The following FAM120B variants were observed in gnomAD, a reference collection of about 807,000 sequenced individuals.
FAM120B encodes constitutive coactivator of peroxisome proliferator-activated receptor gamma.
A neutral mutation model predicts 96.3 loss-of-function variants in FAM120B; 83 were observed. The ratio of observed to expected loss-of-function variants is 0.86; its 90% confidence interval spans 0.72 to 1.03. The LOEUF is 1.03. FAM120B is among the 50% of genes least tolerant of loss of function. The pLI, the probability that FAM120B is intolerant of heterozygous loss-of-function variation, is 0.00. For missense variants in FAM120B, 1,027 were observed against 1,121.2 expected, an observed-to-expected ratio of 0.92 and a Z score of 1.20; for synonymous variants, 407 against 402.7, an observed-to-expected ratio of 1.01 and a Z score of -0.13.
At chr6:170,364,745 C>G (rs2115219714) in intron 6 of FAM120B, among the ~76,000 whole-genome samples, 1 of 152,264 alleles carries the variant, frequency 6.6e-6, no homozygotes, top group South Asian at 2.1e-4. Context: ...CCTTCAGAGG[C>G]TGGTGCTGCT....
intron 5 of FAM120B, among the ~76,000 whole-genome samples, chr6:170,351,779 C>T (rs1273604170): frequency 6.6e-6 from 1 of 152,200 alleles, no homozygotes; most frequent in Non-Finnish European, 1.5e-5. Context: ...TGCAAGAGCT[C>T]TTGAAGGAAG....
intron 3 of FAM120B, 117 bp from the exon 4 acceptor site, chr6:170,330,332 C>T (rs1204999791): frequency 2.1e-5 from 14 of 673,382 alleles, no homozygotes; most frequent in Non-Finnish European, 3.4e-5. Context: ...TACTCAGTCA[C>T]CTTGGATTTG....
upstream of FAM120B, among the ~76,000 whole-genome samples, chr6:170,293,858 G>A (rs1288892132): frequency 6.6e-6 from 1 of 150,960 alleles, no homozygotes; most frequent in East Asian, 2.0e-4. Flanking sequence ...TTCTATAGGA[G>A]CCTGTTGTAG....
intron 4 of FAM120B, among the ~76,000 whole-genome samples, chr6:170,333,633 A>G (rs1279419109): frequency 6.6e-6 from 1 of 151,356 alleles, no homozygotes; most frequent in Non-Finnish European, 1.5e-5. Flanking sequence ...CTACAGGCAC[A>G]TGCCACCACA....
chr6:170,338,453 A>G (rs949865694), intron 4 of FAM120B, among the ~76,000 whole-genome samples: 2 of 152,174 alleles, frequency 1.3e-5, no homozygotes, highest in African/African-American at 2.4e-5. Context: ...ACTTCCATTT[A>G]TGTGGTTGAT....
chr6:170,349,383 A>G (rs1787428719), intron 5 of FAM120B, among the ~76,000 whole-genome samples: 1 of 152,238 alleles, frequency 6.6e-6, no homozygotes, highest in African/African-American at 2.4e-5. Flanking sequence ...TTTACTTTAC[A>G]AATTATTGAT....
intron 4 of FAM120B, among the ~76,000 whole-genome samples, chr6:170,346,444 G>A (rs976989981): frequency 1.2e-4 from 18 of 152,062 alleles, no homozygotes; most frequent in Non-Finnish European, 2.4e-4. Flanking sequence ...TTTCAAAATC[G>A]TTAGTATATT....
chr6:170,294,998 C>T (rs1019968067), upstream of FAM120B, among the ~76,000 whole-genome samples: 55 of 152,166 alleles, frequency 3.6e-4, no homozygotes, highest in Admixed American at 2.9e-3. The surrounding 1 kb of genome is among the most constrained non-coding windows in gnomAD (Gnocchi z 7.9). Flanking sequence ...AAGAAGGGGA[C>T]GTAGACCATG....
At chr6:170,340,827 G>A (rs150741052) in intron 4 of FAM120B, among the ~76,000 whole-genome samples, 1 of 152,222 alleles carries the variant, frequency 6.6e-6, no homozygotes, top group Non-Finnish European at 1.5e-5. Flanking sequence ...CTGCAGAACA[G>A]CAAATATTGC....
chr6:170,367,820 G>C (rs1476126957), intron 6 of FAM120B, among the ~76,000 whole-genome samples: 1 of 152,170 alleles, frequency 6.6e-6, no homozygotes, highest in Admixed American at 6.5e-5. Flanking sequence ...CCTTATAAAG[G>C]AGCTGAAGTG....
chr6:170,323,367 A>G, intron 3 of FAM120B, 108 bp downstream of exon 3: 1 of 898,908 alleles, frequency 1.1e-6, no homozygotes, highest in Non-Finnish European at 1.7e-6. Flanking sequence ...AGACAATTAA[A>G]TGGGTTTTAT....
At chr6:170,349,665 T>G (rs529884105) in intron 5 of FAM120B, among the ~76,000 whole-genome samples, 3 of 152,184 alleles carry the variant, frequency 2.0e-5, no homozygotes, top group Admixed American at 6.5e-5. Context: ...TATAAATTAA[T>G]GTAGGATGGC....
intron 4 of FAM120B, among the ~76,000 whole-genome samples, chr6:170,335,514 C>T (rs1786357772): frequency 6.6e-6 from 1 of 152,138 alleles, no homozygotes; most frequent in South Asian, 2.1e-4. Flanking sequence ...CTGCAGTAAA[C>T]ATACGTGTGC....
intron 5 of FAM120B, among the ~76,000 whole-genome samples, chr6:170,350,993 C>T (rs907115921): frequency 5.9e-5 from 9 of 152,100 alleles, no homozygotes; most frequent in South Asian, 2.1e-4. Context: ...ATGAACTTCG[C>T]GGAGCTAAAG....
rs1382386328 is a variant in FAM120B at position 170,372,548 on chromosome 6, G to T, written c.2283+14230G>T. On this transcript the variant is annotated intron_variant, in intron 6 of 10. Coordinates refer to ENST00000476287, the MANE Select transcript of FAM120B (RefSeq NM_032448.3). ...TATGAACTGACAGTTGTAACTCAGA[G>T]CCATGCTGTTTCCTTAGGTAAATAC... is the stretch of plus-strand genomic sequence containing the variant. Among the ~76,000 whole-genome samples the T allele has an allele frequency of 3.3e-5, 5 of 152,198 alleles. No homozygotes were observed. The East Asian group carries it at 9.6e-4, about 29-fold the overall frequency.
rs761664889 is a variant in FAM120B, at chr6:170,318,061, T to C, written c.671T>C (p.Leu224Pro). ...GGCCTCTGTGTGGCCGACCTTCCTCTTCTGGCCTGCCTCCTTGGCAACGAC... is the reference window on the plus strand; with the variant it reads ...GGCCTCTGTGTGGCCGACCTTCCTCCTCTGGCCTGCCTCCTTGGCAACGAC... ...SLGLCVADLP[L>P]LACLLGNDII... The change falls in exon 2 of 11, where the codon CTT becomes CCT. Residue 224 changes from leucine to proline, a missense_variant. Leu to Pro is a moderately conservative substitution (Grantham distance 98). Transcript: ENST00000476287. The C allele has an allele frequency of 1.3e-5, 21 of 1,614,094 alleles. No individual in the cohort carries two copies. Among genetic ancestry groups the C allele is most frequent in the Admixed American group, 6.7e-5 (4 of 60,008 alleles).
intron 2 of FAM120B, among the ~76,000 whole-genome samples, chr6:170,320,090 T>A (rs180732716): frequency 7.4e-4 from 113 of 152,338 alleles, no homozygotes; most frequent in African/African-American, 2.6e-3. Context: ...TGTGTCCACA[T>A]GAATGTCTCA....
intron 6 of FAM120B, among the ~76,000 whole-genome samples, chr6:170,369,768 G>C (rs1015748461): frequency 6.6e-6 from 1 of 150,734 alleles, no homozygotes; most frequent in African/African-American, 2.4e-5. Context: ...AATCTTAAGA[G>C]AAGTATGTCT....
rs79287470 is a variant in FAM120B, at chr6:170,317,474, G to A, written c.84G>A (p.Glu28=). 8.4e-4 allele frequency: 1,357 copies of A among 1,614,178 alleles called. 18 individuals are homozygous for A. In the Admixed American group the frequency reaches 0.015, roughly 18 times the overall value. ...TAGTAAATTTCAAAGAACTGGCAGA[G>A]CACCACCGAAGCAAGTATCCTGGAT... ...CTVVNFKELA[E]HHRSKYPGCT... is the part of the protein sequence containing the mutation. The change falls in exon 2 of 11, where the codon GAG becomes GAA. Residue 28 remains glutamate (E), a synonymous_variant. Transcript: ENST00000476287.
Sources: gnomAD v4.1 joint callset for allele counts (sites outside exome capture counted in the v4.1 genomes callset) on GRCh38, gnomAD v4.1.1 for gene constraint, Gnocchi (gnomAD v3.1) non-coding constraint, MANE v1.5 for transcripts, NCBI Gene and HGNC (gene_info 2026-07-23, HGNC 2026-07-21) for gene names.